The following CORO7 variants were observed in gnomAD, a reference collection of about 807,000 sequenced individuals.
CORO7 encodes the protein coronin 7, also known as coronin-7.
A neutral mutation model predicts 126.6 loss-of-function variants in CORO7; 107 were observed. That is an observed-to-expected ratio of 0.85 (90% CI 0.72 to 0.99). The LOEUF is 0.99. CORO7 is among the 50% of genes least tolerant of loss of function. CORO7 has a pLI of 0.00. For synonymous variants in CORO7, 603 were observed against 536.8 expected (o/e 1.12, Z -1.70); for missense variants, 1,314 against 1,255.8 (o/e 1.05, Z -0.70).
At chr16:4,381,372 G>C (rs740374) in intron 9 of CORO7, 43,405 of 1,589,950 alleles carry the variant, frequency 0.027, 707 homozygotes, top group Admixed American at 0.049. Flanking sequence ...CACTGCCCCC[G>C]CTGCGCCTGC....
chr16:4,358,128 C>T, intron 24 of CORO7, 25 bp from the exon 25 acceptor site: 1 of 1,600,022 alleles, frequency 6.2e-7, no homozygotes, highest in Non-Finnish European at 8.6e-7. Flanking sequence ...ACGGGCTGTC[C>T]TGAGACATTG....
At chr16:4,414,045 G>C (rs2056314857) in intron 1 of CORO7, among the ~76,000 whole-genome samples, 1 of 151,876 alleles carries the variant, frequency 6.6e-6, no homozygotes, top group African/African-American at 2.4e-5. Context: ...AAATTATCCA[G>C]GCATGGTGGC....
chr16:4,381,635 C>T (rs749898341), intron 9 of CORO7: 3 of 1,599,484 alleles, frequency 1.9e-6, no homozygotes, highest in African/African-American at 2.7e-5. Context: ...ACCCGCATTG[C>T]CCAGCTGCGG....
intron 9 of CORO7, chr16:4,381,106 G>T (rs149613642): frequency 2.5e-6 from 4 of 1,609,112 alleles, no homozygotes; most frequent in Non-Finnish European, 3.4e-6. Flanking sequence ...CGGCCTGCCG[G>T]GCCTGCAGCT....
intron 6 of CORO7, among the ~76,000 whole-genome samples, chr16:4,403,061 C>G (rs1186572077): frequency 1.3e-5 from 2 of 152,062 alleles, no homozygotes; most frequent in Non-Finnish European, 2.9e-5. Context: ...GTCCCATGAC[C>G]CCCCACCCCC....
chr16:4,382,598 T>C (rs774274140), intron 9 of CORO7: 2 of 1,590,334 alleles, frequency 1.3e-6, no homozygotes, highest in South Asian at 1.1e-5. Context: ...GAGGGCAACC[T>C]GCCGCTCCTC....
chr16:4,369,218 G>A (rs941296912), intron 9 of CORO7, among the ~76,000 whole-genome samples: 1 of 152,268 alleles, frequency 6.6e-6, no homozygotes, highest in African/African-American at 2.4e-5. Context: ...TGCCAGGCAG[G>A]GGCATCCTGT....
At chr16:4,402,065 A>G (rs549763048) in intron 6 of CORO7, among the ~76,000 whole-genome samples, 6 of 151,084 alleles carry the variant, frequency 4.0e-5, no homozygotes, top group African/African-American at 1.5e-4. Context: ...CAGCCTCCCA[A>G]GTAGCTGGGA....
chr16:4,384,596 C>G (rs1421868795), intron 9 of CORO7, among the ~76,000 whole-genome samples: 2 of 152,360 alleles, frequency 1.3e-5, no homozygotes, highest in African/African-American at 2.4e-5. Context: ...AGGGAGCAGG[C>G]CCCGTGGCGC....
At chr16:4,367,819 C>T (rs919463630) in intron 9 of CORO7, among the ~76,000 whole-genome samples, 1 of 151,950 alleles carries the variant, frequency 6.6e-6, no homozygotes, top group South Asian at 2.1e-4. Flanking sequence ...GGAGGCTAGA[C>T]GGGAAGGGGC....
At chr16:4,389,446 G>A (rs553467500) in intron 7 of CORO7, among the ~76,000 whole-genome samples, 1 of 152,288 alleles carries the variant, frequency 6.6e-6, no homozygotes, top group South Asian at 2.1e-4. Flanking sequence ...CCCAAACCAT[G>A]GCCAGCTTCC....
chr16:4,404,465 T>C (rs1180975596), intron 6 of CORO7, among the ~76,000 whole-genome samples: 1 of 152,152 alleles, frequency 6.6e-6, no homozygotes, highest in Non-Finnish European at 1.5e-5. Context: ...CAGCACTATG[T>C]GGTCAGCAAA....
Position 4,359,331 on chromosome 16 carries a change from C to A in CORO7, c.2305G>T (p.Glu769Ter). Residue 769 changes from glutamate to a stop codon, truncating the protein, a stop_gained, in exon 23 of 28, where the codon GAG becomes TAG. Coordinates refer to ENST00000251166, the MANE Select transcript of CORO7 (RefSeq NM_024535.5). LOFTEE classifies it high-confidence loss of function. ...ELLPESPFFL[E>*]CNSFTSPDPH... is the part of the protein sequence containing the mutation. ...TCAGGCGACGTGAAGCTGTTGCACT[C>A]CAGGAAGAAAGGGGACTCGGGGAGC... 1.9e-6 allele frequency: 3 copies of A among 1,612,372 alleles called. No homozygotes were observed. Among genetic ancestry groups the A allele is most frequent in the South Asian group, 1.1e-5 (1 of 90,664 alleles).
At chr16:4,365,161 C>T in intron 10 of CORO7, 101 bp from the exon 11 acceptor site, 2 of 1,509,388 alleles carry the variant, frequency 1.3e-6, no homozygotes, top group African/African-American at 1.4e-5. Context: ...ACCTGAGCCA[C>T]AGAACCACAG....
At chr16:4,374,323 C>G (rs113115656) in intron 9 of CORO7, among the ~76,000 whole-genome samples, 1 of 152,122 alleles carries the variant, frequency 6.6e-6, no homozygotes, top group African/African-American at 2.4e-5. Context: ...CGGCCTCCCC[C>G]GCTTTTCCTC....
intron 9 of CORO7, chr16:4,381,729 G>A (rs764782066): frequency 2.8e-5 from 45 of 1,605,734 alleles, no homozygotes; most frequent in South Asian, 4.4e-5. Context: ...GCGACCTCTC[G>A]GGCCTCTTCC....
At chr16:4,371,754 C>T (rs1482785120) in intron 9 of CORO7, 2 of 152,288 alleles carry the variant, frequency 1.3e-5, no homozygotes, top group East Asian at 3.9e-4. Context: ...TGTCTCCACG[C>T]GGCTCCGCCC....
At chr16:4,381,372 G>A (rs740374) in intron 9 of CORO7, 30 of 1,589,872 alleles carry the variant, frequency 1.9e-5, no homozygotes, top group African/African-American at 9.4e-5. Flanking sequence ...CACTGCCCCC[G>A]CTGCGCCTGC....
intron 7 of CORO7, among the ~76,000 whole-genome samples, chr16:4,390,875 C>T (rs998804771): frequency 3.3e-5 from 5 of 152,214 alleles, no homozygotes; most frequent in Admixed American, 1.3e-4. Flanking sequence ...GAGGAGGAGC[C>T]GCCCAGGACC....
Sources: allele counts gnomAD v4.1 joint callset (sites outside exome capture counted in the v4.1 genomes callset), GRCh38; gene constraint gnomAD v4.1.1; transcripts MANE v1.5; gene names NCBI Gene and HGNC (gene_info 2026-07-23, HGNC 2026-07-21).